Variants in FHOD3 observed in about 807,000 individuals in gnomAD.
FHOD3 encodes the protein FH1/FH2 domain-containing protein 3.
A neutral mutation model predicts 173.0 loss-of-function variants in FHOD3; 90 were observed. That is an observed-to-expected ratio of 0.52 (90% confidence interval 0.44 to 0.62). The LOEUF (loss-of-function observed/expected upper bound fraction) is 0.62, where lower values mean the gene tolerates loss of function less well. Among genes scored for constraint, FHOD3 ranks in the 20% least tolerant of loss-of-function variants. The pLI, the probability that FHOD3 is intolerant of heterozygous loss-of-function variation, is 0.00. For synonymous variants in FHOD3, 828 were observed against 823.0 expected (o/e 1.01, Z -0.10); for missense variants, 1,945 against 2,034.7 (o/e 0.96, Z 0.85).
At chr18:36,491,229 C>T (rs1207320269) in intron 3 of FHOD3, among the ~76,000 whole-genome samples, 1 of 152,130 alleles carries the variant, frequency 6.6e-6, no homozygotes, top group South Asian at 2.1e-4. Flanking sequence ...GTAGGCTTGC[C>T]TTTGGATATA....
intron 5 of FHOD3, among the ~76,000 whole-genome samples, chr18:36,574,612 G>T (rs1359180881): frequency 6.6e-6 from 1 of 152,028 alleles, no homozygotes; most frequent in East Asian, 1.9e-4. Context: ...TAATCTCTTT[G>T]TAATAAATTC....
chr18:36,332,127 G>A (rs2045048773), intron 1 of FHOD3, among the ~76,000 whole-genome samples: 1 of 152,200 alleles, frequency 6.6e-6, no homozygotes, highest in Non-Finnish European at 1.5e-5. Flanking sequence ...TGTGCTCACT[G>A]TAAAGGAGAA....
In FHOD3 at chr18:36,576,585, A is replaced by G. The variant is rs567323732; in HGVS notation, c.606+40A>G. ...TGGTTGACTGTTTTGTTCACTTGTC[A>G]TATCACTTGCCTTTCTTTTTTCTCT... On this transcript the variant is annotated intron_variant, in intron 6 of 28. Transcript: ENST00000590592. The G allele has an allele frequency of 8.0e-4, 1,189 of 1,482,408 alleles. 18 individuals are homozygous for G. The South Asian group carries it at 0.014, about 17-fold the overall frequency. The allele number at this position is 1,482,408 out of a possible 1,614,324, so 91.8% of individuals were successfully genotyped here. A position where few individuals can be genotyped will look rare whatever the true frequency, so the allele number is the denominator to read the frequency against.
At chr18:36,547,747 G>C (rs1257448425) in intron 5 of FHOD3, among the ~76,000 whole-genome samples, 2 of 152,230 alleles carry the variant, frequency 1.3e-5, no homozygotes, top group African/African-American at 4.8e-5. Flanking sequence ...GGCAGCCTGT[G>C]TTCTTCACAC....
At chr18:36,374,608 T>C (rs1466371454) in intron 3 of FHOD3, among the ~76,000 whole-genome samples, 1 of 152,232 alleles carries the variant, frequency 6.6e-6, no homozygotes, top group Non-Finnish European at 1.5e-5. Flanking sequence ...GGGAATATTA[T>C]AAAATCTAAG....
chr18:36,675,282 C>A (rs1397884419), intron 14 of FHOD3, among the ~76,000 whole-genome samples: 1 of 152,112 alleles, frequency 6.6e-6, no homozygotes, highest in African/African-American at 2.4e-5. Context: ...TCCCTTTCCA[C>A]GTGGTCTCCT....
intron 14 of FHOD3, among the ~76,000 whole-genome samples, chr18:36,660,126 G>A (rs1292505878): frequency 2.6e-5 from 4 of 152,118 alleles, no homozygotes; most frequent in African/African-American, 7.2e-5. Flanking sequence ...AAACTTAGCC[G>A]AGTGTGGTGG....
In FHOD3 at chr18:36,626,964, A is replaced by G. The variant is rs80216159; in HGVS notation, c.1196+1215A>G. Among the ~76,000 whole-genome samples the G allele has an allele frequency of 3.4e-3, 516 of 152,266 alleles. 4 individuals carry two copies. Among genetic ancestry groups the G allele is most frequent in the African/African-American group, 0.012 (483 of 41,552 alleles). On this transcript the variant is annotated intron_variant, in intron 10 of 28. Transcript: ENST00000590592. Reference sequence around the variant, plus strand: ...ACTGGTTTGAGATAGATGTGCAACCATGGTCTATGTTGACACCCCTCTTCT... The same window carrying G: ...ACTGGTTTGAGATAGATGTGCAACCGTGGTCTATGTTGACACCCCTCTTCT...
rs1419554257 is a variant in FHOD3 at position 36,730,711 on chromosome 18, C to T, written c.3483C>T (p.Ile1161=). ...TGGATTCCAAGAGGAGTAACGCCAT[C>T]AATATTGGTCTGACGGTGCTGCCCC... ...IVLDSKRSNA[I]NIGLTVLPPP... is the part of the protein sequence containing the mutation. Residue 1161 remains isoleucine, a synonymous_variant, in exon 20 of 29, where the codon ATC becomes ATT. Transcript: ENST00000590592. 6.2e-7 allele frequency: 1 copy of T among 1,614,072 alleles called. No homozygotes were observed. The highest frequency in any genetic ancestry group is 8.5e-7 in the Non-Finnish European group (1 of 1,179,974).
chr18:36,587,224 A>G (rs1196702477), intron 6 of FHOD3, among the ~76,000 whole-genome samples: 3 of 152,076 alleles, frequency 2.0e-5, no homozygotes, highest in Non-Finnish European at 2.9e-5. Context: ...CATTGTTGTC[A>G]TGGTGATTAT....
At chr18:36,607,071 A>G (rs930541031) in intron 8 of FHOD3, among the ~76,000 whole-genome samples, 2 of 151,958 alleles carry the variant, frequency 1.3e-5, no homozygotes, top group African/African-American at 2.4e-5. Flanking sequence ...GTAGCTCTAC[A>G]GTTCTGGGGT....
intron 18 of FHOD3, among the ~76,000 whole-genome samples, chr18:36,713,602 G>C (rs2040290188): frequency 6.6e-6 from 1 of 152,116 alleles, no homozygotes; most frequent in Non-Finnish European, 1.5e-5. Context: ...GATCAGTAGG[G>C]AAATTATAGT....
intron 5 of FHOD3, among the ~76,000 whole-genome samples, chr18:36,559,727 C>G (rs1416188691): frequency 4.6e-5 from 7 of 152,252 alleles, no homozygotes; most frequent in Non-Finnish European, 5.9e-5. Context: ...AGCCCGTGGC[C>G]TTAAGTGATT....
Position 36,645,034 on chromosome 18 carries a change from G to C in FHOD3, c.1197-4282G>C, listed in dbSNP as rs114809995. Among the ~76,000 whole-genome samples, 319 of 152,292 alleles carry C rather than the reference G, an allele frequency of 2.1e-3. 1 individual carries two copies. The highest frequency in any genetic ancestry group is 7.0e-3 in the African/African-American group (293 of 41,564). The stretch of plus-strand genomic sequence containing the variant: ...CTCCTGATCAAGCTGAGGGAAGGTG[G>C]CCTCATGATGGAGCTTGTAGGTATA... On this transcript the variant is annotated intron_variant, in intron 10 of 28. Transcript: ENST00000590592.
At chr18:36,316,493 T>G (rs2044128598) in intron 1 of FHOD3, among the ~76,000 whole-genome samples, 1 of 152,260 alleles carries the variant, frequency 6.6e-6, no homozygotes, top group African/African-American at 2.4e-5. Context: ...TCACCTCTTG[T>G]CCTTTTGAGC....
intron 3 of FHOD3, among the ~76,000 whole-genome samples, chr18:36,483,641 A>G (rs1028195369): frequency 7.9e-5 from 12 of 152,204 alleles, no homozygotes; most frequent in African/African-American, 2.7e-4. Context: ...TAGGTTTTAT[A>G]TTAACCCATT....
chr18:36,371,312 A>G (rs1475038950), intron 2 of FHOD3, among the ~76,000 whole-genome samples: 1 of 152,220 alleles, frequency 6.6e-6, no homozygotes, highest in African/African-American at 2.4e-5. Flanking sequence ...AGACTGGGTA[A>G]TTTATAAAGA....
chr18:36,672,969 C>G (rs1314884601), intron 14 of FHOD3, among the ~76,000 whole-genome samples: 2 of 152,068 alleles, frequency 1.3e-5, no homozygotes, highest in African/African-American at 4.8e-5. Context: ...ATATTTTAAT[C>G]TCTCCTATTT....
chr18:36,676,768 T>A (rs548863779), intron 14 of FHOD3, among the ~76,000 whole-genome samples: 1 of 152,328 alleles, frequency 6.6e-6, no homozygotes, highest in East Asian at 1.9e-4. Context: ...TTTCCCTGAT[T>A]TCTAGTGAAG....
Sources: gnomAD v4.1 joint callset for allele counts (sites outside exome capture counted in the v4.1 genomes callset) on GRCh38, gnomAD v4.1.1 for gene constraint, MANE v1.5 for transcripts, NCBI Gene and HGNC (gene_info 2026-07-23, HGNC 2026-07-21) for gene names.